THNSL1: variants seen among roughly 807,000 people sequenced by gnomAD.
THNSL1 encodes threonine synthase like 1, also known as threonine synthase-like 1.
Under a neutral mutation model 50.4 loss-of-function variants are expected in THNSL1, and 48 were observed. The ratio of observed to expected loss-of-function variants is 0.95; its 90% CI spans 0.76 to 1.21. The LOEUF (loss-of-function observed/expected upper bound fraction) is 1.21, where lower values mean the gene tolerates loss of function less well. Among genes scored for constraint, THNSL1 ranks in the 50% most tolerant of loss-of-function variants. The pLI is 0.00. For synonymous variants in THNSL1, 309 were observed against 306.1 expected (o/e 1.01, Z -0.10); for missense variants, 896 against 871.7 (o/e 1.03, Z -0.35).
chr10:24,976,575 C>T, the THNSL1 span, among the ~76,000 whole-genome samples: 1 of 151,976 alleles, frequency 6.6e-6, no homozygotes. Flanking sequence ...CTGCAACCTC[C>T]GCCTCCTGGG....
the THNSL1 span, among the ~76,000 whole-genome samples, chr10:25,001,296 T>A: frequency 6.6e-6 from 1 of 151,868 alleles, no homozygotes; most frequent in Non-Finnish European, 1.5e-5. Context: ...TTTCTTTTTT[T>A]TCCTCTGGCT....
the THNSL1 span, among the ~76,000 whole-genome samples, chr10:24,954,439 C>T: frequency 6.6e-6 from 1 of 152,098 alleles, no homozygotes; most frequent in African/African-American, 2.4e-5. Context: ...GTACCAGGAA[C>T]TTCAAAATAT....
the THNSL1 span, among the ~76,000 whole-genome samples, chr10:25,007,162 T>C: frequency 6.6e-6 from 1 of 152,184 alleles, no homozygotes; most frequent in East Asian, 1.9e-4. Flanking sequence ...CTGACATATT[T>C]CCCTGATCTG....
the THNSL1 span, among the ~76,000 whole-genome samples, chr10:24,960,477 G>C: frequency 6.6e-6 from 1 of 151,112 alleles, no homozygotes; most frequent in Non-Finnish European, 1.5e-5. Flanking sequence ...TCTCAGGCTG[G>C]AGTGCATGGA....
chr10:24,963,114 C>G, the THNSL1 span, among the ~76,000 whole-genome samples: 1 of 152,206 alleles, frequency 6.6e-6, no homozygotes, highest in South Asian at 2.1e-4. Context: ...CAGAGTACAG[C>G]TGACACCTAG....
the THNSL1 span, chr10:24,952,698 G>A: frequency 2.4e-5 from 21 of 886,738 alleles, 1 homozygote; most frequent in South Asian, 3.1e-4. The surrounding 1 kb of genome is among the most constrained non-coding windows in gnomAD (Gnocchi z 5.1). Flanking sequence ...GGACGGGGAC[G>A]GGTCCGCCCC....
At chr10:24,965,700 T>C in the THNSL1 span, among the ~76,000 whole-genome samples, 1 of 152,238 alleles carries the variant, frequency 6.6e-6, no homozygotes, top group Non-Finnish European at 1.5e-5. Context: ...GCTCTAGTTA[T>C]TGAAAAGTGT....
the THNSL1 span, among the ~76,000 whole-genome samples, chr10:24,987,538 G>A: frequency 0.017 from 2,562 of 152,208 alleles, 78 homozygotes; most frequent in African/African-American, 0.059. Context: ...GCAGTGAGCC[G>A]TGATTGTGCC....
At chr10:24,989,319 C>T in the THNSL1 span, among the ~76,000 whole-genome samples, 2 of 152,148 alleles carry the variant, frequency 1.3e-5, no homozygotes, top group African/African-American at 2.4e-5. Context: ...TGAACATCTG[C>T]GTTTTCACTG....
the THNSL1 span, among the ~76,000 whole-genome samples, chr10:24,993,547 G>T: frequency 6.6e-6 from 1 of 152,182 alleles, no homozygotes. Context: ...ACTTGGAGCT[G>T]AAATGGGAGT....
At chr10:25,019,667 A>T (rs1268515763) in intron 1 of THNSL1, among the ~76,000 whole-genome samples, 1 of 152,208 alleles carries the variant, frequency 6.6e-6, no homozygotes, top group East Asian at 1.9e-4. Flanking sequence ...GGACTTGCAC[A>T]TCTGCAGATT....
At chr10:25,020,259 T>C (rs1850691866) in intron 1 of THNSL1, among the ~76,000 whole-genome samples, 1 of 136,800 alleles carries the variant, frequency 7.3e-6, no homozygotes, top group Non-Finnish European at 1.6e-5. Context: ...TCTATATCTA[T>C]ATCTATATCT....
chr10:25,010,608 C>T, the THNSL1 span, among the ~76,000 whole-genome samples: 8 of 150,542 alleles, frequency 5.3e-5, no homozygotes, highest in African/African-American at 1.9e-4. Flanking sequence ...CCCCACCCCA[C>T]AACAGTCCCC....
At chr10:24,983,753 G>A in the THNSL1 span, 1 of 152,126 alleles carries the variant, frequency 6.6e-6, no homozygotes, top group African/African-American at 2.4e-5. Context: ...ATAAAAACCA[G>A]TGTAAGCAGT....
chr10:24,988,386 G>GTA, the THNSL1 span, among the ~76,000 whole-genome samples: 5 of 143,364 alleles, frequency 3.5e-5, no homozygotes, highest in Non-Finnish European at 7.6e-5. Flanking sequence ...GTATATATGT[G>GTA]TATATATTTA....
chr10:25,012,414 C>T (rs73608221), upstream of THNSL1, among the ~76,000 whole-genome samples: 2,320 of 152,280 alleles, frequency 0.015, 62 homozygotes, highest in African/African-American at 0.054. Flanking sequence ...AGAAAAGCTG[C>T]AGACACTCAA....
At chr10:25,009,813 C>CTT in the THNSL1 span, among the ~76,000 whole-genome samples, 1,130 of 152,268 alleles carry the variant, frequency 7.4e-3, 18 homozygotes, top group African/African-American at 0.025. Context: ...CACACACTCT[C>CTT]GTTTCCCACT....
chr10:24,977,299 G>C, the THNSL1 span, among the ~76,000 whole-genome samples: 1 of 152,218 alleles, frequency 6.6e-6, no homozygotes, highest in Admixed American at 6.5e-5. Flanking sequence ...TATACATTTA[G>C]AACAATAAGA....
the THNSL1 span, among the ~76,000 whole-genome samples, chr10:24,986,597 T>G: frequency 6.6e-6 from 1 of 152,178 alleles, no homozygotes; most frequent in African/African-American, 2.4e-5. Context: ...TTTGCGGATA[T>G]CAAAGGTTTT....
Sources: gnomAD v4.1 joint callset for allele counts (sites outside exome capture counted in the v4.1 genomes callset) on GRCh38, gnomAD v4.1.1 for gene constraint, Gnocchi (gnomAD v3.1) non-coding constraint, MANE v1.5 for transcripts, NCBI Gene and HGNC (gene_info 2026-07-23, HGNC 2026-07-21) for gene names.